The following SLC25A26 variants were observed in gnomAD, a reference collection of about 807,000 sequenced individuals.
SLC25A26 encodes the protein mitochondrial S-adenosylmethionine carrier protein.
A neutral mutation model predicts 37.8 loss-of-function variants in SLC25A26; 36 were observed. That is an observed-to-expected ratio of 0.95 (90% CI 0.73 to 1.26). SLC25A26 has a LOEUF of 1.26. Ranked by LOEUF, SLC25A26 falls within the 50% of genes most tolerant of loss-of-function variation. The pLI is 0.00. For missense variants in SLC25A26, 390 were observed against 331.1 expected (o/e 1.18, Z -1.38); for synonymous variants, 129 against 122.5 (o/e 1.05, Z -0.35).
intron 3 of SLC25A26, among the ~76,000 whole-genome samples, chr3:66,246,739 G>C (rs1045591452): frequency 6.6e-6 from 1 of 152,162 alleles, no homozygotes; most frequent in Admixed American, 6.5e-5. Flanking sequence ...CCTATTTATA[G>C]TTGCTATGGA....
chr3:66,171,574 C>T (rs1040968007), intron 1 of SLC25A26, among the ~76,000 whole-genome samples: 4 of 152,084 alleles, frequency 2.6e-5, no homozygotes, highest in Non-Finnish European at 4.4e-5. Flanking sequence ...ACTGCAACCT[C>T]GGCCTCTCAG....
rs1392007689 is a variant in SLC25A26 at position 66,168,565 on chromosome 3, C to T, written c.-354+34581C>T. Among the ~76,000 whole-genome samples, 5 of 151,866 alleles carry T rather than the reference C, an allele frequency of 3.3e-5. No individual in the cohort carries two copies. In the South Asian group the frequency reaches 8.3e-4, roughly 25 times the overall value. On this transcript the variant is annotated intron_variant, in intron 1 of 10. Transcript: ENST00000676754. ...CTGTAATTACTTTTATTTTTTTCCC[C>T]AAACTTGAAATATGCCTACTAGAAA... is the stretch of plus-strand genomic sequence containing the variant.
chr3:66,254,734 G>C (rs975540652), intron 3 of SLC25A26, among the ~76,000 whole-genome samples: 8 of 152,242 alleles, frequency 5.3e-5, no homozygotes, highest in Non-Finnish European at 1.2e-4. Flanking sequence ...CAACTTCTAT[G>C]ATCTCAGATT....
intron 1 of SLC25A26, among the ~76,000 whole-genome samples, chr3:66,204,350 C>T (rs2071146964): frequency 7.4e-6 from 1 of 135,244 alleles, no homozygotes; most frequent in Non-Finnish European, 1.6e-5. Context: ...GGAGTGAACC[C>T]GGGAGGCGGA....
intron 9 of SLC25A26, among the ~76,000 whole-genome samples, chr3:66,372,099 A>G (rs2107851608): frequency 6.6e-6 from 1 of 152,338 alleles, no homozygotes; most frequent in East Asian, 1.9e-4. Flanking sequence ...TCTCAAAAAA[A>G]CAACAACAAA....
At chr3:66,337,567 C>T (rs2076118610) in intron 5 of SLC25A26, among the ~76,000 whole-genome samples, 1 of 151,898 alleles carries the variant, frequency 6.6e-6, no homozygotes, top group African/African-American at 2.4e-5. Flanking sequence ...GGAACACATG[C>T]TAATGTTTAA....
intron 5 of SLC25A26, among the ~76,000 whole-genome samples, chr3:66,308,630 C>A (rs2075292599): frequency 6.6e-6 from 1 of 152,198 alleles, no homozygotes; most frequent in South Asian, 2.1e-4. Flanking sequence ...ATGACACTGG[C>A]TATGAGTTTG....
chr3:66,173,390 G>A (rs368460225), intron 1 of SLC25A26, among the ~76,000 whole-genome samples: 23 of 152,254 alleles, frequency 1.5e-4, no homozygotes, highest in African/African-American at 4.8e-4. Flanking sequence ...TACCAGCAGA[G>A]GCCTCACATA....
chr3:66,255,997 A>G (rs6777170), intron 3 of SLC25A26, among the ~76,000 whole-genome samples: 20,854 of 152,210 alleles, frequency 0.14, 2,073 homozygotes, highest in African/African-American at 0.26. Flanking sequence ...AAAACACAAT[A>G]GTAAGAACTT....
At chr3:66,370,502 C>A in intron 8 of SLC25A26, 27 bp from the exon 9 acceptor site, 1 of 1,592,374 alleles carries the variant, frequency 6.3e-7, no homozygotes, top group Non-Finnish European at 8.6e-7. Flanking sequence ...CAGAAGATAA[C>A]GGGTTTCTCT....
chr3:66,167,920 G>A (rs185324826), intron 1 of SLC25A26, among the ~76,000 whole-genome samples: 265 of 152,070 alleles, frequency 1.7e-3, no homozygotes, highest in Admixed American at 5.6e-3. Flanking sequence ...TTGGGAGGCC[G>A]AGGCGGGCGG....
At chr3:66,186,766 C>A (rs2070836549) in intron 1 of SLC25A26, among the ~76,000 whole-genome samples, 1 of 152,040 alleles carries the variant, frequency 6.6e-6, no homozygotes. Context: ...GACCTTCACA[C>A]TGAACTGACA....
chr3:66,182,637 G>A (rs1576620084), intron 1 of SLC25A26, among the ~76,000 whole-genome samples: 1 of 138,610 alleles, frequency 7.2e-6, no homozygotes, highest in African/African-American at 2.7e-5. Context: ...GAGGCAACAA[G>A]AGAAGTCGCT....
intron 1 of SLC25A26, among the ~76,000 whole-genome samples, chr3:66,212,318 A>G (rs1311625447): frequency 6.6e-6 from 1 of 151,260 alleles, no homozygotes; most frequent in Non-Finnish European, 1.5e-5. Flanking sequence ...GCCTTGCTTT[A>G]TTGCCCAAGC....
chr3:66,152,903 C>T (rs921179063), intron 1 of SLC25A26, among the ~76,000 whole-genome samples: 2 of 152,184 alleles, frequency 1.3e-5, no homozygotes, highest in Non-Finnish European at 2.9e-5. Flanking sequence ...TGGTTCTCAA[C>T]TCTGGCCGTT....
chr3:66,301,464 A>G (rs2075073956), intron 5 of SLC25A26, among the ~76,000 whole-genome samples: 1 of 152,192 alleles, frequency 6.6e-6, no homozygotes, highest in African/African-American at 2.4e-5. Flanking sequence ...TTTGACTTCC[A>G]TGCCGGAGAG....
At chr3:66,154,907 T>C (rs2070260735) in intron 1 of SLC25A26, among the ~76,000 whole-genome samples, 1 of 152,240 alleles carries the variant, frequency 6.6e-6, no homozygotes, top group Non-Finnish European at 1.5e-5. Flanking sequence ...TCAGATAAAG[T>C]ATGTATCAGC....
At chr3:66,260,357 T>C (rs935489543) in intron 3 of SLC25A26, among the ~76,000 whole-genome samples, 1 of 152,208 alleles carries the variant, frequency 6.6e-6, no homozygotes, top group Non-Finnish European at 1.5e-5. Flanking sequence ...GAAGGGAGAC[T>C]GGGTGGAAAA....
chr3:66,352,543 A>T (rs1575600217), intron 6 of SLC25A26, among the ~76,000 whole-genome samples: 1 of 151,038 alleles, frequency 6.6e-6, no homozygotes, highest in African/African-American at 2.4e-5. Context: ...TTTATGTGTG[A>T]TAATTTTTTT....
Sources: gnomAD v4.1 joint callset for allele counts (sites outside exome capture counted in the v4.1 genomes callset) on GRCh38, gnomAD v4.1.1 for gene constraint, MANE v1.5 for transcripts, NCBI Gene and HGNC (gene_info 2026-07-23, HGNC 2026-07-21) for gene names.